The following SRPK2 variants were observed in gnomAD, a reference collection of about 807,000 sequenced individuals.
The protein encoded by SRPK2 is SFRS protein kinase 2.
Under a neutral mutation model 90.8 loss-of-function variants are expected in SRPK2, and 21 were observed. The observed-to-expected ratio is 0.23, with a 90% CI of 0.16 to 0.33. The LOEUF is 0.33. SRPK2 is among the 10% of genes least tolerant of loss of function. SRPK2 has a pLI of 1.00. For synonymous variants in SRPK2, 288 were observed against 311.1 expected, an observed-to-expected ratio of 0.93 and a Z score of 0.78; for missense variants, 620 against 869.0, an observed-to-expected ratio of 0.71 and a Z score of 3.60.
At chr7:105,267,530 C>A (rs1315083171) in intron 2 of SRPK2, among the ~76,000 whole-genome samples, 2 of 152,090 alleles carry the variant, frequency 1.3e-5, no homozygotes, top group African/African-American at 4.8e-5. Context: ...TAGCCACAAA[C>A]CAAAAGTTAG....
At chr7:105,252,731 C>T in intron 2 of SRPK2, among the ~76,000 whole-genome samples, 1 of 133,816 alleles carries the variant, frequency 7.5e-6, no homozygotes, top group East Asian at 2.0e-4. Flanking sequence ...TATCATCTTT[C>T]TTTTCTTTTT....
Position 105,324,010 on chromosome 7 carries a change from T to TGTGTGTGTGTGTGG in SRPK2, c.71+64637_71+64638insCCACACACACACAC, listed in dbSNP as rs950960322. ...GTGTGTGTGTGTGTGTGTGTGTGTG[T>TGTGTGTGTGTGTGG]GTGTGTGGTGGAGTCTCACATTGTC... On this transcript the variant is annotated intron_variant, in intron 2 of 15. Transcript: ENST00000393651. Among the ~76,000 whole-genome samples the TGTGTGTGTGTGTGG allele has an allele frequency of 8.1e-5, 12 of 148,974 alleles. No homozygotes were observed. In the East Asian group the frequency reaches 9.9e-4, roughly 12 times the overall value.
chr7:105,373,534 C>T (rs1452234307), intron 2 of SRPK2, among the ~76,000 whole-genome samples: 3 of 151,294 alleles, frequency 2.0e-5, no homozygotes, highest in Admixed American at 6.6e-5. Context: ...TCCCTATGAA[C>T]TGGGATTACA....
chr7:105,345,278 T>C (rs958949608), intron 2 of SRPK2, among the ~76,000 whole-genome samples: 1 of 151,978 alleles, frequency 6.6e-6, no homozygotes, highest in Non-Finnish European at 1.5e-5. Context: ...GGATTTTAAG[T>C]AGCAGTGTAA....
intron 3 of SRPK2, among the ~76,000 whole-genome samples, chr7:105,188,768 AAAGAG>A (rs1265806709): frequency 6.6e-6 from 1 of 152,244 alleles, no homozygotes; most frequent in Non-Finnish European, 1.5e-5. Context: ...ATGGGAAATA[AAAGAG>A]AAAAGATATT....
At chr7:105,328,591 G>A (rs951352466) in intron 2 of SRPK2, among the ~76,000 whole-genome samples, 4 of 146,934 alleles carry the variant, frequency 2.7e-5, no homozygotes, top group Admixed American at 6.9e-5. Context: ...AAGGCCAGGC[G>A]CAGTGGCTCA....
chr7:105,150,726 GA>G (rs941094737), intron 7 of SRPK2, among the ~76,000 whole-genome samples: 1 of 152,154 alleles, frequency 6.6e-6, no homozygotes, highest in South Asian at 2.1e-4. Context: ...AAGAGATTCT[GA>G]AAAGTACAAG....
At chr7:105,288,820 T>C (rs6466056) in intron 2 of SRPK2, among the ~76,000 whole-genome samples, 91,653 of 151,852 alleles carry the variant, frequency 0.6, 28,618 homozygotes, top group South Asian at 0.75. Flanking sequence ...GAGGAAGACA[T>C]GTGCTAAAGA....
chr7:105,197,954 T>G (rs1795121249), intron 3 of SRPK2, among the ~76,000 whole-genome samples: 1 of 152,218 alleles, frequency 6.6e-6, no homozygotes. Flanking sequence ...CAAGGCAATG[T>G]TCCTACAGTC....
At chr7:105,229,575 C>A (rs1381255156) in intron 2 of SRPK2, among the ~76,000 whole-genome samples, 1 of 152,160 alleles carries the variant, frequency 6.6e-6, no homozygotes, top group African/African-American at 2.4e-5. Context: ...GAGGAGGTAT[C>A]TCTCCCTCTC....
chr7:105,155,638 G>A (rs573641255), intron 7 of SRPK2, among the ~76,000 whole-genome samples: 7 of 152,290 alleles, frequency 4.6e-5, no homozygotes, highest in African/African-American at 9.6e-5. Context: ...GGGCCTACAC[G>A]TAGTTATGGG....
At chr7:105,330,358 A>T (rs1035715319) in intron 2 of SRPK2, among the ~76,000 whole-genome samples, 7 of 151,314 alleles carry the variant, frequency 4.6e-5, no homozygotes, top group African/African-American at 1.5e-4. Context: ...AATAAATAAA[A>T]ATAAAATAAA....
At chr7:105,288,463 G>A (rs1273834065) in intron 2 of SRPK2, among the ~76,000 whole-genome samples, 2 of 151,718 alleles carry the variant, frequency 1.3e-5, no homozygotes, top group African/African-American at 2.4e-5. Flanking sequence ...GCGTGGTGGC[G>A]GGCACCTGTA....
At chr7:105,294,459 T>G (rs1809511437) in intron 2 of SRPK2, among the ~76,000 whole-genome samples, 1 of 152,174 alleles carries the variant, frequency 6.6e-6, no homozygotes, top group Admixed American at 6.5e-5. Context: ...CCTTGTGAGG[T>G]TTGAAACGAA....
chr7:105,153,540 T>G (rs2129579683), intron 7 of SRPK2, among the ~76,000 whole-genome samples: 1 of 152,252 alleles, frequency 6.6e-6, no homozygotes, highest in South Asian at 2.1e-4. Flanking sequence ...ATGTGGAGAC[T>G]CCTCTAAAGA....
At chr7:105,289,041 G>C (rs368708100) in intron 2 of SRPK2, among the ~76,000 whole-genome samples, 1 of 150,144 alleles carries the variant, frequency 6.7e-6, no homozygotes, top group East Asian at 2.0e-4. Flanking sequence ...CAGATCACAA[G>C]GTCAGGAGAT....
At chr7:105,136,353 G>A (rs1802806062) in intron 11 of SRPK2, among the ~76,000 whole-genome samples, 1 of 152,170 alleles carries the variant, frequency 6.6e-6, no homozygotes, top group African/African-American at 2.4e-5. Flanking sequence ...CAACTGGAAT[G>A]CTTTTGTCAC....
intron 2 of SRPK2, among the ~76,000 whole-genome samples, chr7:105,290,798 G>A (rs112243483): frequency 6.6e-6 from 1 of 151,510 alleles, no homozygotes; most frequent in Non-Finnish European, 1.5e-5. Context: ...CAGCACTTTG[G>A]GAGGCCGAGG....
intron 2 of SRPK2, among the ~76,000 whole-genome samples, chr7:105,330,254 G>A (rs1435772928): frequency 6.6e-6 from 1 of 151,532 alleles, no homozygotes; most frequent in African/African-American, 2.4e-5. Context: ...GCAGAATGGC[G>A]TCAACCCAGG....
Sources: gnomAD v4.1 joint callset for allele counts (sites outside exome capture counted in the v4.1 genomes callset) on GRCh38, gnomAD v4.1.1 for gene constraint, MANE v1.5 for transcripts, NCBI Gene and HGNC (gene_info 2026-07-23, HGNC 2026-07-21) for gene names.